Variants in SEMA3D observed in about 807,000 individuals in gnomAD.
The protein encoded by SEMA3D is semaphorin 3D, also known as semaphorin-3D.
Under a neutral mutation model 100.1 loss-of-function variants are expected in SEMA3D, and 84 were observed. The ratio of observed to expected loss-of-function variants is 0.84; its 90% CI spans 0.70 to 1.01. SEMA3D has a LOEUF of 1.01. Among genes scored for constraint, SEMA3D ranks in the 50% least tolerant of loss-of-function variants. The pLI, the probability that SEMA3D is intolerant of heterozygous loss-of-function variation, is 0.00. For synonymous variants in SEMA3D, 312 were observed against 320.7 expected (o/e 0.97, Z 0.29); for missense variants, 875 against 934.1 (o/e 0.94, Z 0.82).
intron 3 of SEMA3D, among the ~76,000 whole-genome samples, chr7:85,114,314 G>A (rs902317248): frequency 5.3e-5 from 8 of 152,210 alleles, no homozygotes; most frequent in Non-Finnish European, 1.0e-4. Context: ...ATAAAGAAGA[G>A]GTAGATAGGA....
At position 85,126,304 on chromosome 7, in the gene SEMA3D, C is replaced by T. The variant is rs929139066; in HGVS notation, c.-40-4373G>A. Among the ~76,000 whole-genome samples, 6 of 151,588 alleles carry T rather than the reference C, an allele frequency of 4.0e-5. 1 individual carries two copies. The South Asian group carries it at 6.2e-4, about 16-fold the overall frequency. ...AATGTGAAAAAGTAGCTTCTATGCA[C>T]GGAACAATGATTAAAATATGTAAGT... On this transcript the variant is annotated intron_variant, in intron 2 of 18. Coordinates refer to ENST00000284136, the MANE Select transcript of SEMA3D (RefSeq NM_001384900.1).
Position 85,006,855 on chromosome 7 carries a change from G to C in SEMA3D, c.1855C>G (p.Gln619Glu). ...TGGATATACCATTTAATAGTTGCTTGTTGGGATTTAGGTATACATTCCAGA... is the reference window on the plus strand; with the variant it reads ...TGGATATACCATTTAATAGTTGCTTCTTGGGATTTAGGTATACATTCCAGA... Reference protein sequence around the residue: ...TFLECIPKSQQATIKWYIQRS... With the variant: ...TFLECIPKSQEATIKWYIQRS... The change falls in exon 18 of 19, where the codon CAA becomes GAA. Residue 619 changes from glutamine (Q) to glutamate (E), a missense_variant. Gln to Glu is a conservative substitution (Grantham distance 29). Coordinates refer to ENST00000284136, the MANE Select transcript of SEMA3D (RefSeq NM_001384900.1). The C allele has an allele frequency of 6.2e-7, 1 of 1,610,910 alleles. No individual in the cohort carries two copies. The highest frequency in any genetic ancestry group is 8.5e-7 in the Non-Finnish European group (1 of 1,177,974).
intron 6 of SEMA3D, among the ~76,000 whole-genome samples, chr7:85,071,578 T>C (rs569991436): frequency 5.9e-5 from 9 of 152,338 alleles, no homozygotes; most frequent in African/African-American, 2.2e-4. Context: ...TTATGCAATG[T>C]CATCATTGTG....
At chr7:85,247,775 A>G in the SEMA3D span, among the ~76,000 whole-genome samples, 1 of 152,148 alleles carries the variant, frequency 6.6e-6, no homozygotes, top group Non-Finnish European at 1.5e-5. Context: ...TGACAAATAA[A>G]CAGGGGAAAC....
At chr7:85,109,682 G>A (rs1210590180) in intron 3 of SEMA3D, among the ~76,000 whole-genome samples, 1 of 151,860 alleles carries the variant, frequency 6.6e-6, no homozygotes, top group Non-Finnish European at 1.5e-5. Context: ...TCAGAGAAGT[G>A]TTTTTCAAAT....
At chr7:85,028,226 A>G (rs1244087982) in intron 12 of SEMA3D, 5 of 686,252 alleles carry the variant, frequency 7.3e-6, no homozygotes, top group African/African-American at 5.4e-5. Context: ...GCAAAAGTCT[A>G]CCTTGGGAAG....
At chr7:85,157,411 T>G (rs1790630416) in intron 1 of SEMA3D, among the ~76,000 whole-genome samples, 1 of 152,198 alleles carries the variant, frequency 6.6e-6, no homozygotes, top group Non-Finnish European at 1.5e-5. Context: ...AAAGATGCTT[T>G]TATAAGTTGA....
At chr7:85,001,013 G>C (rs900143272) in intron 18 of SEMA3D, among the ~76,000 whole-genome samples, 2 of 152,172 alleles carry the variant, frequency 1.3e-5, no homozygotes, top group African/African-American at 4.8e-5. Flanking sequence ...TTCACAGTGG[G>C]TGGATTGTAC....
chr7:85,151,808 T>TA, intron 2 of SEMA3D: 2 of 756,028 alleles, frequency 2.6e-6, no homozygotes, highest in Middle Eastern at 6.6e-4. Context: ...ATTCCTATTT[T>TA]AAAATTCCAA....
Position 84,999,212 on chromosome 7 carries a change from T to C in SEMA3D, c.*228A>G. 3.8e-6 allele frequency: 2 copies of C among 521,768 alleles called. No homozygotes were observed. Among genetic ancestry groups the C allele is most frequent in the Non-Finnish European group, 6.8e-6 (2 of 295,942 alleles). 32.3% of individuals were successfully genotyped at this position (521,768 alleles called of 1,614,324 possible). ...TTTACAACTGTAAACCCCCTATTTT[T>C]AGGATAATTCTTATACTTTGCTTGT... On this transcript the variant is annotated 3_prime_UTR_variant, in exon 19 of 19. Transcript: ENST00000284136.
chr7:85,099,200 T>C (rs1788668695), intron 3 of SEMA3D, among the ~76,000 whole-genome samples: 1 of 151,982 alleles, frequency 6.6e-6, no homozygotes, highest in Non-Finnish European at 1.5e-5. Flanking sequence ...AATCTTATCT[T>C]GAACTGTAGC....
chr7:85,153,055 T>C (rs900597925), intron 2 of SEMA3D, among the ~76,000 whole-genome samples: 1 of 152,150 alleles, frequency 6.6e-6, no homozygotes, highest in African/African-American at 2.4e-5. Flanking sequence ...CACCAAAGAT[T>C]GGTTCCAGGA....
intron 2 of SEMA3D, among the ~76,000 whole-genome samples, chr7:85,126,323 T>C (rs901445988): frequency 2.0e-5 from 3 of 151,944 alleles, no homozygotes; most frequent in Admixed American, 6.6e-5. Flanking sequence ...GATTAAAATA[T>C]GTAAGTCTTC....
chr7:85,107,207 T>G lies in SEMA3D; in HGVS notation c.152-9242A>C, dbSNP rs943709120. 1.2e-4 allele frequency among the ~76,000 whole-genome samples: 19 copies of G among 152,210 alleles called. 1 individual carries two copies. In the Middle Eastern group the frequency reaches 0.01, roughly 82 times the overall value. On this transcript the variant is annotated intron_variant, in intron 3 of 18. Coordinates refer to ENST00000284136, the MANE Select transcript of SEMA3D (RefSeq NM_001384900.1). ...TTATCTAAAATTCAATTTTCATAGA[T>G]TCAAGAAAATTTCAGTTTGGCTTTT...
rs749999912 is a variant in SEMA3D, at chr7:85,066,903, C to CACACACACACAT, written c.589+1287_589+1288insATGTGTGTGTGT. On this transcript the variant is annotated intron_variant, in intron 7 of 18. Transcript: ENST00000284136. Reference sequence around the variant, plus strand: ...AAGGAAATGTGCGCTCACACACACACACACACACACAGAGAGAGAGAGAGA... The same window carrying CACACACACACAT: ...AAGGAAATGTGCGCTCACACACACACACACACACACATACACACACACAGAGAGAGAGAGAGA... Among the ~76,000 whole-genome samples the CACACACACACAT allele has an allele frequency of 1.7e-4, 19 of 112,502 alleles. 1 individual carries two copies. Among genetic ancestry groups the CACACACACACAT allele is most frequent in the African/African-American group, 2.2e-4 (6 of 26,856 alleles). 73.8% of individuals were successfully genotyped at this position (112,502 alleles called of 152,430 possible).
chr7:85,084,393 A>G (rs909130283), intron 4 of SEMA3D, among the ~76,000 whole-genome samples: 4 of 152,158 alleles, frequency 2.6e-5, no homozygotes, highest in African/African-American at 9.7e-5. Context: ...TCATCTTGCA[A>G]AAGTGAAATG....
chr7:85,050,784 G>A lies in SEMA3D; in HGVS notation c.861+4933C>T, dbSNP rs1363124889. On this transcript the variant is annotated intron_variant, in intron 9 of 18. Transcript: ENST00000284136. The stretch of plus-strand genomic sequence containing the variant: ...AAAGAAAAATAATAATGTAACTTCA[G>A]CCTTTAAAACTAATAAAATGACATA... 17 of 489,326 alleles carry A rather than the reference G, an allele frequency of 3.5e-5. No homozygotes were observed. The East Asian group carries it at 5.8e-4, about 17-fold the overall frequency. 30.3% of individuals were successfully genotyped at this position (489,326 alleles called of 1,614,324 possible).
intron 4 of SEMA3D, among the ~76,000 whole-genome samples, chr7:85,095,925 C>T (rs1415332962): frequency 6.6e-6 from 1 of 151,918 alleles, no homozygotes; most frequent in East Asian, 1.9e-4. Flanking sequence ...ATAGTCACAG[C>T]AGGAAGTTAT....
chr7:85,064,007 C>T (rs1791545824), intron 8 of SEMA3D, among the ~76,000 whole-genome samples: 4 of 152,180 alleles, frequency 2.6e-5, no homozygotes, highest in Admixed American at 2.6e-4. Context: ...GCTTCCTAAT[C>T]TCTAATCTTC....
Sources: gnomAD v4.1 joint callset for allele counts (sites outside exome capture counted in the v4.1 genomes callset) on GRCh38, gnomAD v4.1.1 for gene constraint, MANE v1.5 for transcripts, NCBI Gene and HGNC (gene_info 2026-07-23, HGNC 2026-07-21) for gene names.